PCBP3: variants seen among roughly 807,000 people sequenced by gnomAD.
The protein encoded by PCBP3 is poly(rC)-binding protein 3.
Under a neutral mutation model 52.7 loss-of-function variants are expected in PCBP3, and 25 were observed. The ratio of observed to expected loss-of-function variants is 0.47; its 90% CI spans 0.35 to 0.66. The LOEUF is 0.66. Among genes scored for constraint, PCBP3 ranks in the 30% least tolerant of loss-of-function variants. The pLI is 0.01. For missense variants in PCBP3, 391 were observed against 490.3 expected (o/e 0.80, Z 1.91); for synonymous variants, 162 against 183.0 (o/e 0.89, Z 0.93).
intron 5 of PCBP3, among the ~76,000 whole-genome samples, chr21:45,881,257 G>A (rs890113374): frequency 2.3e-4 from 35 of 152,218 alleles, no homozygotes; most frequent in Non-Finnish European, 1.0e-4. Context: ...TGCATCACAG[G>A]AAGAATGGTT....
chr21:45,774,704 G>C (rs1270004665), intron 4 of PCBP3, among the ~76,000 whole-genome samples: 3 of 152,062 alleles, frequency 2.0e-5, no homozygotes, highest in Admixed American at 6.5e-5. Context: ...TGCTTAGTTT[G>C]TTGAGAGTTT....
At chr21:45,684,237 G>A (rs2147620401) in intron 2 of PCBP3, among the ~76,000 whole-genome samples, 1 of 151,936 alleles carries the variant, frequency 6.6e-6, no homozygotes. Context: ...AAAAACAAAA[G>A]CAAACAAACA....
At chr21:45,783,954 C>T (rs539608600) in intron 4 of PCBP3, among the ~76,000 whole-genome samples, 55 of 152,298 alleles carry the variant, frequency 3.6e-4, no homozygotes, top group African/African-American at 1.2e-3. Flanking sequence ...CTCAGACTCA[C>T]TGAAAATGGT....
chr21:45,882,874 G>A (rs369754070), intron 5 of PCBP3, among the ~76,000 whole-genome samples: 10 of 152,092 alleles, frequency 6.6e-5, no homozygotes, highest in East Asian at 3.9e-4. Context: ...CTCCTCCACC[G>A]GCCTGCATGT....
At chr21:45,930,919 G>A in intron 15 of PCBP3, 74 bp downstream of exon 15, 1 of 1,590,872 alleles carries the variant, frequency 6.3e-7, no homozygotes, top group Non-Finnish European at 8.6e-7. Context: ...GAGGTGTGGG[G>A]GCCCTGCCGC....
chr21:45,646,107 CTGTGTGTGTG>C (rs765931494), intron 1 of PCBP3, among the ~76,000 whole-genome samples: 44 of 83,822 alleles, frequency 5.2e-4, no homozygotes, highest in African/African-American at 1.9e-3. Context: ...CTCTCTCTCT[CTGTGTGTGTG>C]TGTGTGTGTG....
At chr21:45,700,616 A>G (rs1450737708) in intron 2 of PCBP3, among the ~76,000 whole-genome samples, 1 of 151,710 alleles carries the variant, frequency 6.6e-6, no homozygotes, top group African/African-American at 2.4e-5. Flanking sequence ...TTTTTTCTCC[A>G]CTGCGCAGTG....
intron 11 of PCBP3, 76 bp from the exon 12 acceptor site, chr21:45,913,875 C>T: frequency 2.9e-6 from 4 of 1,362,222 alleles, no homozygotes; most frequent in Non-Finnish European, 4.1e-6. Flanking sequence ...GTGGGGTGGG[C>T]CGGGGCACGC....
intron 3 of PCBP3, among the ~76,000 whole-genome samples, chr21:45,743,722 T>A (rs2086619281): frequency 6.6e-6 from 1 of 152,160 alleles, no homozygotes; most frequent in Non-Finnish European, 1.5e-5. Flanking sequence ...ACTGTTAGGG[T>A]TATCGTGAGG....
intron 4 of PCBP3, among the ~76,000 whole-genome samples, chr21:45,807,817 A>C (rs1053705866): frequency 6.6e-6 from 1 of 152,194 alleles, no homozygotes; most frequent in East Asian, 1.9e-4. Flanking sequence ...ACAAGGCTAC[A>C]GTAACCAAAA....
rs141398326 is a variant in PCBP3, at chr21:45,939,957, G to A, written c.910-73G>A. The A allele has an allele frequency of 1.6e-3, 2,305 of 1,410,888 alleles. 35 individuals are homozygous for A. The African/African-American group carries it at 0.028, about 17-fold the overall frequency. 87.4% of individuals were successfully genotyped at this position (1,410,888 alleles called of 1,614,324 possible). ...GGCGGCCCGTCCCACCGGCCCCCTC[G>A]GGCGCACTGCCCACAGTCTTCAGGG... is the stretch of plus-strand genomic sequence containing the variant. On this transcript the variant is annotated intron_variant, in intron 16 of 17. Transcript: ENST00000681687.
At chr21:45,896,746 A>C (rs2095840888) in intron 6 of PCBP3, among the ~76,000 whole-genome samples, 1 of 149,100 alleles carries the variant, frequency 6.7e-6, no homozygotes. Context: ...TCTCTGTAGG[A>C]AAGGCAGACA....
At chr21:45,719,070 G>T (rs1038208292) in intron 2 of PCBP3, among the ~76,000 whole-genome samples, 1 of 152,202 alleles carries the variant, frequency 6.6e-6, no homozygotes, top group Non-Finnish European at 1.5e-5. Context: ...CGGGAGGTCA[G>T]TGTGTGAGAA....
chr21:45,734,689 C>T (rs2085723473), intron 2 of PCBP3, among the ~76,000 whole-genome samples: 1 of 152,308 alleles, frequency 6.6e-6, no homozygotes, highest in Admixed American at 6.5e-5. Context: ...AGGATGCAAC[C>T]CATTTGCTTC....
At chr21:45,686,831 G>C (rs959320254) in intron 2 of PCBP3, among the ~76,000 whole-genome samples, 1 of 151,984 alleles carries the variant, frequency 6.6e-6, no homozygotes. Context: ...CATAGAAATA[G>C]AAAAGACCCA....
rs1185357615 is a variant in PCBP3, at chr21:45,788,577, T to A, written c.-126+33125T>A. 6.6e-6 allele frequency: 1 copy of A among 152,428 alleles called. No individual in the cohort carries two copies. The highest frequency in any genetic ancestry group is 1.5e-5 in the Non-Finnish European group (1 of 68,246). 9.4% of individuals were successfully genotyped at this position (152,428 alleles called of 1,614,324 possible). A position where few individuals can be genotyped will look rare whatever the true frequency, so the allele number is the denominator to read the frequency against. On this transcript the variant is annotated intron_variant, in intron 4 of 17. Coordinates refer to ENST00000681687, the MANE Select transcript of PCBP3 (RefSeq NM_001384156.1). The surrounding 1 kb of genome is among the most constrained non-coding windows in gnomAD (Gnocchi z 4.3). Reference sequence around the variant, plus strand: ...ACCCCACGGGGCCGATCCTGACTTCTGGTTGCTCCCTTTGCTTGACCGTTC... The same window carrying A: ...ACCCCACGGGGCCGATCCTGACTTCAGGTTGCTCCCTTTGCTTGACCGTTC...
intron 2 of PCBP3, among the ~76,000 whole-genome samples, chr21:45,688,351 G>A (rs1041077743): frequency 6.6e-6 from 1 of 152,118 alleles, no homozygotes; most frequent in African/African-American, 2.4e-5. Flanking sequence ...AATTAAATTA[G>A]AAATCAATAA....
intron 1 of PCBP3, among the ~76,000 whole-genome samples, chr21:45,644,967 GAACT>G (rs1348832017): frequency 2.6e-5 from 4 of 152,156 alleles, no homozygotes; most frequent in African/African-American, 7.2e-5. Flanking sequence ...CTATTTAAGA[GAACT>G]AACTCCCAGT....
At chr21:45,910,852 C>T (rs756727369) in intron 10 of PCBP3, 50 bp from the exon 11 acceptor site, 1 of 1,540,712 alleles carries the variant, frequency 6.5e-7, no homozygotes, top group East Asian at 2.3e-5. Context: ...GGTACTGCTG[C>T]CCCATGCGCT....
Sources: allele counts gnomAD v4.1 joint callset (sites outside exome capture counted in the v4.1 genomes callset), GRCh38; gene constraint gnomAD v4.1.1; non-coding constraint Gnocchi (gnomAD v3.1); transcripts MANE v1.5; gene names NCBI Gene and HGNC (gene_info 2026-07-23, HGNC 2026-07-21).